Variants in SPTBN5 observed in about 807,000 individuals in gnomAD.
SPTBN5 encodes the protein spectrin beta, non-erythrocytic 5.
A neutral mutation model predicts 477.6 loss-of-function variants in SPTBN5; 513 were observed. The observed-to-expected ratio is 1.07, with a 90% confidence interval of 1.00 to 1.16. The LOEUF is 1.16. Among genes scored for constraint, SPTBN5 ranks in the 50% most tolerant of loss-of-function variants. The pLI is 0.00. For missense variants in SPTBN5, 5,062 were observed against 4,731.8 expected (o/e 1.07, Z -2.05); for synonymous variants, 2,169 against 2,011.7 (o/e 1.08, Z -2.09).
At chr15:41,863,607 C>CA (rs2066193140) in intron 41 of SPTBN5, 97 bp downstream of exon 41, 1 of 936,606 alleles carries the variant, frequency 1.1e-6, no homozygotes, top group Non-Finnish European at 1.7e-6. Context: ...CAGGAGAGGC[C>CA]AGTGAGGGGG....
intron 63 of SPTBN5, among the ~76,000 whole-genome samples, 198 bp downstream of exon 63, chr15:41,851,581 T>TGGCGGGG (rs138547502): frequency 9.2e-5 from 11 of 119,988 alleles, no homozygotes; most frequent in South Asian, 2.9e-4. Context: ...CAGCACCTCC[T>TGGCGGGG]GGTGGGGGTG....
At chr15:41,868,665 G>T in intron 32 of SPTBN5, 64 bp from the exon 33 acceptor site, 2 of 1,544,530 alleles carry the variant, frequency 1.3e-6, no homozygotes, top group Non-Finnish European at 1.8e-6. Context: ...GAAACCAGGT[G>T]CTGAGGCAAC....
At chr15:41,864,095 A>G in intron 39 of SPTBN5, 71 bp from the exon 40 acceptor site, 1 of 1,363,416 alleles carries the variant, frequency 7.3e-7, no homozygotes, top group Non-Finnish European at 1.0e-6. Flanking sequence ...CTCAGCAGGC[A>G]CTGAAAGCAT....
intron 21 of SPTBN5, 50 bp downstream of exon 21, chr15:41,876,064 G>A: frequency 6.4e-7 from 1 of 1,566,592 alleles, no homozygotes. Context: ...CAGTAGGGTT[G>A]GGAATTTGAA....
chr15:41,856,652 C>A, intron 52 of SPTBN5, 54 bp from the exon 53 acceptor site: 1 of 1,480,154 alleles, frequency 6.8e-7, no homozygotes, highest in Non-Finnish European at 9.0e-7. Flanking sequence ...GGGGGACTCC[C>A]ACAGTTGTGC....
At position 41,852,237 on chromosome 15, in the gene SPTBN5, C is replaced by G. The variant is rs1463269997; in HGVS notation, c.10529G>C (p.Arg3510Thr). 1.3e-5 allele frequency: 21 copies of G among 1,611,096 alleles called. No homozygotes were observed. Among genetic ancestry groups the G allele is most frequent in the Non-Finnish European group, 1.8e-5 (21 of 1,178,752 alleles). Residue 3510 changes from arginine to threonine, a missense_variant, in exon 62 of 68, where the codon AGG becomes ACG. Coordinates refer to ENST00000320955, the MANE Select transcript of SPTBN5 (RefSeq NM_016642.4). The stretch of plus-strand genomic sequence containing the variant: ...TCCTAGCCCCTGGTGTCCAGAGGGC[C>G]TCCACTGAAAGGATGTCAGCGAGCT... Reference protein sequence around the residue: ...AGSSLTSFQWRPSGHQGLGAQ... With the variant: ...AGSSLTSFQWTPSGHQGLGAQ...
At position 41,853,585 on chromosome 15, in the gene SPTBN5, A is replaced by G. The variant is rs1263157381; in HGVS notation, c.9977T>C (p.Leu3326Pro). Residue 3326 changes from leucine to proline, a missense_variant, in exon 58 of 68, where the codon CTG becomes CCG. By Grantham distance (98) the Leu-to-Pro change is moderately conservative. Coordinates refer to ENST00000320955, the MANE Select transcript of SPTBN5 (RefSeq NM_016642.4). ...GCAGCTGAGGTAGGACACCTACAGC[A>G]GTTCCTGGCAGCGCCCGAGGAAGGC... Reference protein sequence around the residue: ...GHAFLGRCQELLAWAQERQEL... With the variant: ...GHAFLGRCQEPLAWAQERQEL... 2 of 1,571,066 alleles carry G rather than the reference A, an allele frequency of 1.3e-6. No homozygotes were observed. The highest frequency in any genetic ancestry group is 1.7e-6 in the Non-Finnish European group (2 of 1,155,216).
Position 41,871,764 on chromosome 15 carries a change from C to G in SPTBN5, c.5301+18G>C. ...CTCTGCCTCAGGGCACCCTCCTTGA[C>G]CCTGGCCCTCTTCTCACCAGGGCGT... On this transcript the variant is annotated intron_variant, in intron 28 of 67. Coordinates refer to ENST00000320955, the MANE Select transcript of SPTBN5 (RefSeq NM_016642.4). 1 of 1,558,292 alleles carries G rather than the reference C, an allele frequency of 6.4e-7. No individual in the cohort carries two copies. The highest frequency in any genetic ancestry group is 8.7e-7 in the Non-Finnish European group (1 of 1,149,806).
At position 41,853,392 on chromosome 15, in the gene SPTBN5, C is replaced by A. The variant is rs751154431; in HGVS notation, c.10036G>T (p.Val3346Leu). 3 of 1,607,512 alleles carry A rather than the reference C, an allele frequency of 1.9e-6. No homozygotes were observed. The highest frequency in any genetic ancestry group is 2.6e-6 in the Non-Finnish European group (3 of 1,175,798). ...LASSEELAEDVAGAEQLLGQH... is the reference protein window; with the variant it reads ...LASSEELAEDLAGAEQLLGQH... Reference sequence around the variant, plus strand: ...CCAAGGAGCTGCTCAGCCCCCGCCACGTCCTCAGCCAGCTCCTCGGAGGAC... The same window carrying A: ...CCAAGGAGCTGCTCAGCCCCCGCCAAGTCCTCAGCCAGCTCCTCGGAGGAC... The change falls in exon 59 of 68, where the codon GTG becomes TTG. Residue 3346 changes from valine to leucine, a missense_variant. Coordinates refer to ENST00000320955, the MANE Select transcript of SPTBN5 (RefSeq NM_016642.4).
intron 52 of SPTBN5, 80 bp from the exon 53 acceptor site, chr15:41,856,678 A>AC: frequency 7.1e-7 from 1 of 1,417,414 alleles, no homozygotes; most frequent in Non-Finnish European, 9.4e-7. Context: ...GTTTCACGGG[A>AC]CCCCACTAAC....
chr15:41,874,284 G>T lies in SPTBN5; in HGVS notation c.4689+8C>A. The T allele has an allele frequency of 6.2e-7, 1 of 1,606,234 alleles. No individual in the cohort carries two copies. Among genetic ancestry groups the T allele is most frequent in the Non-Finnish European group, 8.5e-7 (1 of 1,176,014 alleles). On this transcript the variant is annotated splice_region_variant and intron_variant, in intron 24 of 67. Transcript: ENST00000320955. ...TCGGTAATCCTGTAGGAAGAAGAGGGCTATTACCTTGTGCTTGCGGTGAAG... is the reference window on the plus strand; with the variant it reads ...TCGGTAATCCTGTAGGAAGAAGAGGTCTATTACCTTGTGCTTGCGGTGAAG...
At chr15:41,874,582 G>T in intron 23 of SPTBN5, 104 bp from the exon 24 acceptor site, 3 of 1,051,560 alleles carry the variant, frequency 2.9e-6, no homozygotes, top group Non-Finnish European at 4.0e-6. Context: ...CAAGACCAGG[G>T]AATAGAGCAA....
chr15:41,880,147 C>T lies in SPTBN5; in HGVS notation c.2811+13G>A, dbSNP rs376341504. The T allele has an allele frequency of 6.3e-7, 1 of 1,575,732 alleles. No individual in the cohort carries two copies. Among genetic ancestry groups the T allele is most frequent in the African/African-American group, 1.4e-5 (1 of 73,574 alleles). On this transcript the variant is annotated intron_variant, in intron 14 of 67. Coordinates refer to ENST00000320955, the MANE Select transcript of SPTBN5 (RefSeq NM_016642.4). ...CAAGGCGAGGAGGAGGTGCCAAGCTCCCAGGGCTGTACCTCATATTTGAGC... is the reference window on the plus strand; with the variant it reads ...CAAGGCGAGGAGGAGGTGCCAAGCTTCCAGGGCTGTACCTCATATTTGAGC...
In SPTBN5 at chr15:41,853,601, C is replaced by T. The variant is rs370935764; in HGVS notation, c.9961G>A (p.Gly3321Arg). 14 of 1,577,972 alleles carry T rather than the reference C, an allele frequency of 8.9e-6. No homozygotes were observed. The highest frequency in any genetic ancestry group is 4.5e-5 in the East Asian group (2 of 44,102). ...AQAAQGHAFL[G>R]RCQELLAWAQ... ...ACCTACAGCAGTTCCTGGCAGCGCC[C>T]GAGGAAGGCATGGCCCTGTGCAGCC... Residue 3321 changes from glycine (G) to arginine (R), a missense_variant, in exon 58 of 68, where the codon GGG (glycine) becomes AGG (arginine). By Grantham distance (125) the Gly-to-Arg change is moderately radical. Transcript: ENST00000320955.
At position 41,879,341 on chromosome 15, in the gene SPTBN5, G is replaced by A. The variant is rs1286763208; in HGVS notation, c.3101C>T (p.Thr1034Ile). The A allele has an allele frequency of 6.2e-7, 1 of 1,609,784 alleles. No homozygotes were observed. The highest frequency in any genetic ancestry group is 2.2e-5 in the East Asian group (1 of 44,882). Residue 1034 changes from threonine (T) to isoleucine (I), a missense_variant, in exon 16 of 68, where the codon ACC becomes ATC. Coordinates refer to ENST00000320955, the MANE Select transcript of SPTBN5 (RefSeq NM_016642.4). ...CTGGGCCAGCTGCAGGGCGTGGCAG[G>A]TGTCCTCTGAGCTCCCTGGCTGCAG... Reference protein sequence around the residue: ...EALQPGSSEDTCHALQLAQKK... With the variant: ...EALQPGSSEDICHALQLAQKK...
At chr15:41,861,977 GGA>G (rs1244441111) in intron 44 of SPTBN5, 54 bp from the exon 45 acceptor site, 8 of 1,558,616 alleles carry the variant, frequency 5.1e-6, no homozygotes, top group East Asian at 2.3e-5. Context: ...CCAGCAGGCA[GGA>G]GAGAGGTGGG....
At position 41,857,268 on chromosome 15, in the gene SPTBN5, A is replaced by C. The variant is rs772471941; in HGVS notation, c.8591T>G (p.Val2864Gly). Residue 2864 changes from valine to glycine, a missense_variant, in exon 51 of 68, where the codon GTG becomes GGG. By Grantham distance (109) the Val-to-Gly change is moderately radical (BLOSUM62 -3). Transcript: ENST00000320955. Reference sequence around the variant, plus strand: ...AAGCAGCCGCCGGGCCTGCTCTTCCACATCTTGGGCAAGGCAGTGGCCTTC... The same window carrying C: ...AAGCAGCCGCCGGGCCTGCTCTTCCCCATCTTGGGCAAGGCAGTGGCCTTC... ...VREGHCLAQDVEEQARRLLQR... is the reference protein window; with the variant it reads ...VREGHCLAQDGEEQARRLLQR... 1.3e-6 allele frequency: 2 copies of C among 1,581,074 alleles called. No individual in the cohort carries two copies. The highest frequency in any genetic ancestry group is 1.7e-6 in the Non-Finnish European group (2 of 1,163,290).
intron 59 of SPTBN5, 120 bp from the exon 60 acceptor site, chr15:41,853,120 G>A: frequency 3.5e-6 from 5 of 1,433,300 alleles, no homozygotes; most frequent in Non-Finnish European, 4.7e-6. Context: ...ACCCGCACCT[G>A]CCCCTTCCCA....
rs1595433710 is a variant in SPTBN5 at position 41,849,854 on chromosome 15, A to C, written c.11012+15T>G. Reference sequence around the variant, plus strand: ...CAGGGCTCCCCGCCCTGCTTCCCCCACCCAGGTGTCCCACCTGAGTAGACA... The same window carrying C: ...CAGGGCTCCCCGCCCTGCTTCCCCCCCCCAGGTGTCCCACCTGAGTAGACA... On this transcript the variant is annotated intron_variant, in intron 67 of 67. Coordinates refer to ENST00000320955, the MANE Select transcript of SPTBN5 (RefSeq NM_016642.4). 6.4e-7 allele frequency: 1 copy of C among 1,557,926 alleles called. No homozygotes were observed. The highest frequency in any genetic ancestry group is 2.4e-5 in the East Asian group (1 of 41,584).
Sources: allele counts gnomAD v4.1 joint callset (sites outside exome capture counted in the v4.1 genomes callset), GRCh38; gene constraint gnomAD v4.1.1; transcripts MANE v1.5; gene names NCBI Gene and HGNC (gene_info 2026-07-23, HGNC 2026-07-21).